The following ZNF254 variants were observed in gnomAD, a reference collection of about 807,000 sequenced individuals.
ZNF254 encodes the protein CTD-2017D11.1.
ZNF254 carries 10 observed loss-of-function variants against 12.4 expected under a neutral mutation model. The ratio of observed to expected loss-of-function variants is 0.80; its 90% CI spans 0.50 to 1.36. The LOEUF (loss-of-function observed/expected upper bound fraction) is 1.36, where lower values mean the gene tolerates loss of function less well. ZNF254 is among the 40% of genes most tolerant of loss of function. ZNF254 has a pLI of 0.00. For synonymous variants in ZNF254, 305 were observed against 253.4 expected (o/e 1.20, Z -1.93); for missense variants, 996 against 763.9 (o/e 1.30, Z -3.58).
In ZNF254 at chr19:24,129,618, A is replaced by G. The variant is rs1975107048; in HGVS notation, c.*1638A>G. Reference sequence around the variant, plus strand: ...TATATATGTATGCCATATATGGTATATTTTGATGCAGGCATACTCTATATA... The same window carrying G: ...TATATATGTATGCCATATATGGTATGTTTTGATGCAGGCATACTCTATATA... On this transcript the variant is annotated 3_prime_UTR_variant, in exon 4 of 4. Transcript: ENST00000357002. 1.3e-5 allele frequency: 2 copies of G among 151,954 alleles called. No individual in the cohort carries two copies. Among genetic ancestry groups the G allele is most frequent in the African/African-American group, 2.4e-5 (1 of 41,410 alleles). The allele number at this position is 151,954 out of a possible 1,614,324, so 9.4% of individuals were successfully genotyped here.
chr19:24,047,353 T>A (rs940981072), intron 2 of ZNF254, among the ~76,000 whole-genome samples: 4 of 151,862 alleles, frequency 2.6e-5, no homozygotes, highest in Non-Finnish European at 5.9e-5. Context: ...CCTTCCTACC[T>A]TTCTTTCTTC....
chr19:24,040,429 C>T (rs1482675950), intron 1 of ZNF254, among the ~76,000 whole-genome samples: 1 of 152,192 alleles, frequency 6.6e-6, no homozygotes, highest in Non-Finnish European at 1.5e-5. Flanking sequence ...TCTGCAGATC[C>T]AATAATTGTT....
intron 2 of ZNF254, 78 bp from the exon 3 acceptor site, chr19:24,106,470 C>A: frequency 8.8e-7 from 1 of 1,142,544 alleles, no homozygotes; most frequent in Non-Finnish European, 1.3e-6. Context: ...TCTATTATAT[C>A]CTCCTTACTG....
chr19:24,059,842 A>C (rs576429116), intron 2 of ZNF254, among the ~76,000 whole-genome samples: 1 of 152,094 alleles, frequency 6.6e-6, no homozygotes, highest in Non-Finnish European at 1.5e-5. Context: ...ATGGCATATT[A>C]TGAATATTGG....
At position 24,123,048 on chromosome 19, in the gene ZNF254, T is replaced by C. The variant is rs552835235; in HGVS notation, c.254-3206T>C. Among the ~76,000 whole-genome samples the C allele has an allele frequency of 2.6e-5, 4 of 152,302 alleles. No homozygotes were observed. The South Asian group carries it at 8.3e-4, about 32-fold the overall frequency. ...CTTGAGATTCTATATACTTTTGGGGTTGCTGTTCCTGTTTCTTCAAAAATG... is the reference window on the plus strand; with the variant it reads ...CTTGAGATTCTATATACTTTTGGGGCTGCTGTTCCTGTTTCTTCAAAAATG... On this transcript the variant is annotated intron_variant, in intron 3 of 3. Coordinates refer to ENST00000357002, the MANE Select transcript of ZNF254 (RefSeq NM_203282.4).
At chr19:24,082,656 AC>A (rs1214920039), upstream of ZNF254, among the ~76,000 whole-genome samples, 116 of 139,434 alleles carry the variant, frequency 8.3e-4, 1 homozygote, top group African/African-American at 3.1e-3. Flanking sequence ...TCTCAAAAAA[AC>A]AAAAAAAAAA....
At chr19:24,053,335 G>A (rs1313241209) in intron 2 of ZNF254, among the ~76,000 whole-genome samples, 1 of 152,144 alleles carries the variant, frequency 6.6e-6, no homozygotes, top group African/African-American at 2.4e-5. Flanking sequence ...CTCATACCTA[G>A]AACTAAGAAA....
intron 1 of ZNF254, chr19:24,099,025 C>G (rs1482145372): frequency 2.1e-5 from 2 of 93,790 alleles, no homozygotes; most frequent in Non-Finnish European, 1.9e-5. Flanking sequence ...TTGAGACAGT[C>G]TTGCCCTGTC....
chr19:24,051,314 C>A (rs1970637276), intron 2 of ZNF254, among the ~76,000 whole-genome samples: 1 of 152,090 alleles, frequency 6.6e-6, no homozygotes, highest in South Asian at 2.1e-4. Flanking sequence ...CACATGCCAC[C>A]ACGCCCAGCT....
chr19:24,069,835 C>G (rs1306769817), intron 2 of ZNF254, among the ~76,000 whole-genome samples: 1 of 152,016 alleles, frequency 6.6e-6, no homozygotes, highest in Non-Finnish European at 1.5e-5. Flanking sequence ...GCCTGTAGTC[C>G]CAGCTACTCA....
intron 1 of ZNF254, among the ~76,000 whole-genome samples, chr19:24,100,273 T>A (rs1972932054): frequency 7.6e-6 from 1 of 130,842 alleles, no homozygotes; most frequent in South Asian, 2.3e-4. Context: ...GAATCTCCAC[T>A]TCTTTTCCCT....
chr19:24,119,916 C>G (rs1441210384), intron 3 of ZNF254, among the ~76,000 whole-genome samples: 1 of 151,986 alleles, frequency 6.6e-6, no homozygotes, highest in Admixed American at 6.6e-5. Flanking sequence ...TGTGTAGTGA[C>G]ATGCTTCAAT....
chr19:24,064,640 C>G (rs1971202928), intron 2 of ZNF254: 1 of 152,210 alleles, frequency 6.6e-6, no homozygotes, highest in African/African-American at 2.4e-5. Context: ...AATTCTTCAG[C>G]CTCAGCCCCC....
At chr19:24,119,293 G>T (rs1202689884) in intron 3 of ZNF254, among the ~76,000 whole-genome samples, 1 of 151,858 alleles carries the variant, frequency 6.6e-6, no homozygotes, top group African/African-American at 2.4e-5. Context: ...CTAGGTTCAA[G>T]CGATTCTCCT....
At chr19:24,047,596 C>CTTTTTTTTTTTTTTTTTTTTTTTTT (rs386388790) in intron 2 of ZNF254, among the ~76,000 whole-genome samples, 1 of 107,964 alleles carries the variant, frequency 9.3e-6, no homozygotes, top group Non-Finnish European at 1.8e-5. Context: ...TTCATTCTTC[C>CTTTTTTTTTTTTTTTTTTTTTTTTT]TTTTTTTTTT....
At chr19:24,053,201 G>C (rs550855546) in intron 2 of ZNF254, among the ~76,000 whole-genome samples, 5 of 152,284 alleles carry the variant, frequency 3.3e-5, no homozygotes, top group African/African-American at 1.2e-4. Flanking sequence ...GCACACCTGT[G>C]AGTCAGTGAC....
intron 3 of ZNF254, among the ~76,000 whole-genome samples, chr19:24,119,315 C>T (rs1974323402): frequency 6.6e-6 from 1 of 151,876 alleles, no homozygotes; most frequent in Admixed American, 6.6e-5. Flanking sequence ...TCTCAGCCTC[C>T]CAAGCAGCTG....
intron 1 of ZNF254, chr19:24,046,112 A>G (rs1425012004): frequency 6.6e-6 from 1 of 151,860 alleles, no homozygotes; most frequent in Admixed American, 6.6e-5. Context: ...CCTTTTCTCC[A>G]CTGAGCACAG....
chr19:24,109,524 C>G (rs951031941), intron 3 of ZNF254, among the ~76,000 whole-genome samples: 1 of 151,932 alleles, frequency 6.6e-6, no homozygotes, highest in Non-Finnish European at 1.5e-5. Flanking sequence ...TTTAGACAAT[C>G]GGCAATTCTG....
Sources: gnomAD v4.1 joint callset for allele counts (sites outside exome capture counted in the v4.1 genomes callset) on GRCh38, gnomAD v4.1.1 for gene constraint, MANE v1.5 for transcripts, NCBI Gene and HGNC (gene_info 2026-07-23, HGNC 2026-07-21) for gene names.